Variants in C1orf21 observed in about 807,000 individuals in gnomAD.
C1orf21 encodes chromosome 1 open reading frame 21, also known as uncharacterized protein C1orf21.
Under a neutral mutation model 18.7 loss-of-function variants are expected in C1orf21, and 3 were observed. The observed-to-expected ratio is 0.16, with a 90% CI of 0.07 to 0.42. C1orf21 has a LOEUF of 0.42. Ranked by LOEUF, C1orf21 falls within the 10% of genes least tolerant of loss-of-function variation. The pLI is 0.99. For missense variants in C1orf21, 104 were observed against 143.6 expected, an observed-to-expected ratio of 0.72 and a Z score of 1.41; for synonymous variants, 41 against 46.4, an observed-to-expected ratio of 0.88 and a Z score of 0.47.
rs1432491905 is a variant in C1orf21 at position 184,619,823 on chromosome 1, G to A, written c.*267G>A. 1 of 349,834 alleles carries A rather than the reference G, an allele frequency of 2.9e-6. No individual in the cohort carries two copies. The highest frequency in any genetic ancestry group is 4.9e-5 in the Admixed American group (1 of 20,278). The allele number at this position is 349,834 out of a possible 1,614,324, so 21.7% of individuals were successfully genotyped here. A position where few individuals can be genotyped will look rare whatever the true frequency, so the allele number is the denominator to read the frequency against. ...CAACTTTTCACTTCTCTTGTGTCCA[G>A]GTATGCAGCAAAATTCTGCAATTTC... On this transcript the variant is annotated 3_prime_UTR_variant, in exon 6 of 6. Coordinates refer to ENST00000235307, the MANE Select transcript of C1orf21 (RefSeq NM_030806.4).
intron 1 of C1orf21, among the ~76,000 whole-genome samples, chr1:184,410,654 T>TAAA (rs1408957991): frequency 4.0e-4 from 3 of 7,540 alleles, no homozygotes; most frequent in Non-Finnish European, 5.7e-4. Flanking sequence ...TATATATATA[T>TAAA]ATATATATAT....
intron 1 of C1orf21, among the ~76,000 whole-genome samples, chr1:184,446,839 G>T (rs1657037021): frequency 1.4e-5 from 2 of 146,736 alleles, no homozygotes. Context: ...GTATGGTTAT[G>T]ATTTTTTCGT....
At chr1:184,572,484 G>T (rs146908818) in intron 3 of C1orf21, among the ~76,000 whole-genome samples, 1 of 152,168 alleles carries the variant, frequency 6.6e-6, no homozygotes, top group Admixed American at 6.5e-5. Flanking sequence ...TTTCATTTCA[G>T]CAGTTTACTG....
chr1:184,571,743 G>T (rs1254016427), intron 3 of C1orf21, among the ~76,000 whole-genome samples: 2 of 152,180 alleles, frequency 1.3e-5, no homozygotes, highest in East Asian at 3.9e-4. Flanking sequence ...AACATAAGGG[G>T]GGAGTTTAAA....
intron 5 of C1orf21, 149 bp from the exon 6 acceptor site, chr1:184,619,369 C>T (rs1392470404): frequency 2.6e-6 from 2 of 761,196 alleles, no homozygotes; most frequent in East Asian, 2.7e-5. Context: ...GTATTTATGA[C>T]GTAGCTACCC....
intron 1 of C1orf21, among the ~76,000 whole-genome samples, chr1:184,441,368 G>A (rs539979120): frequency 1.3e-5 from 2 of 152,330 alleles, no homozygotes; most frequent in Admixed American, 6.5e-5. Flanking sequence ...GCAGGGCGAA[G>A]ACCTGGTTTG....
At chr1:184,521,663 T>C (rs1158705747) in intron 3 of C1orf21, among the ~76,000 whole-genome samples, 1 of 152,214 alleles carries the variant, frequency 6.6e-6, no homozygotes, top group Non-Finnish European at 1.5e-5. Context: ...CTATTCTGTA[T>C]GGTACTGTAA....
At chr1:184,586,385 G>A (rs1014769044) in intron 3 of C1orf21, among the ~76,000 whole-genome samples, 2 of 150,236 alleles carry the variant, frequency 1.3e-5, no homozygotes, top group Non-Finnish European at 2.9e-5. Flanking sequence ...TGGGGTTCAC[G>A]CCATTCTCCT....
intron 1 of C1orf21, among the ~76,000 whole-genome samples, chr1:184,398,409 C>T (rs59237100): frequency 0.092 from 13,944 of 152,148 alleles, 1,932 homozygotes; most frequent in African/African-American, 0.3. Context: ...TAAAGTCAGA[C>T]TTTTAATTGT....
At chr1:184,391,226 G>A (rs1326411865) in intron 1 of C1orf21, among the ~76,000 whole-genome samples, 1 of 152,166 alleles carries the variant, frequency 6.6e-6, no homozygotes, top group Non-Finnish European at 1.5e-5. Flanking sequence ...ACACAACAGT[G>A]TCTCCAGTCA....
chr1:184,504,389 C>T (rs1312076070), intron 2 of C1orf21, among the ~76,000 whole-genome samples: 5 of 152,156 alleles, frequency 3.3e-5, no homozygotes, highest in Non-Finnish European at 7.3e-5. Context: ...TCCATTTCTT[C>T]CAGTGTGGGC....
At chr1:184,422,471 A>T (rs75313405) in intron 1 of C1orf21, among the ~76,000 whole-genome samples, 1 of 152,214 alleles carries the variant, frequency 6.6e-6, no homozygotes, top group African/African-American at 2.4e-5. Context: ...CTCATTTTAC[A>T]GGTGGAGAAC....
At chr1:184,567,652 A>T (rs559887837) in intron 3 of C1orf21, 2 of 404,558 alleles carry the variant, frequency 4.9e-6, no homozygotes, top group South Asian at 4.3e-5. Context: ...CTACAATGGC[A>T]TCACCAGCTT....
intron 4 of C1orf21, among the ~76,000 whole-genome samples, chr1:184,598,168 C>T (rs921405508): frequency 2.0e-5 from 3 of 151,790 alleles, no homozygotes; most frequent in African/African-American, 4.8e-5. Context: ...AGCATCTGTA[C>T]ATTGAAAGGA....
intron 3 of C1orf21, among the ~76,000 whole-genome samples, chr1:184,532,421 T>C (rs1658476514): frequency 6.6e-6 from 1 of 152,204 alleles, no homozygotes; most frequent in Non-Finnish European, 1.5e-5. Flanking sequence ...GAAAGCACTG[T>C]CAGTTCTATG....
rs1184327589 is a variant in C1orf21 at position 184,530,600 on chromosome 1, CTT to C, written c.189+22935_189+22936del. Reference sequence around the variant, plus strand: ...CTTAAAAGTCTCTTTTTTCTTTTTTCTTTTTTTTTTTTTTTTTTGAGCTGGGG... The same window carrying C: ...CTTAAAAGTCTCTTTTTTCTTTTTTCTTTTTTTTTTTTTTTTGAGCTGGGG... On this transcript the variant is annotated intron_variant, in intron 3 of 5. Transcript: ENST00000235307. 7.0e-3 allele frequency among the ~76,000 whole-genome samples: 778 copies of C among 111,460 alleles called. 4 individuals are homozygous for C. The highest frequency in any genetic ancestry group is 0.023 in the African/African-American group (672 of 28,918). 73.1% of individuals were successfully genotyped at this position (111,460 alleles called of 152,430 possible). A position where few individuals can be genotyped will look rare whatever the true frequency, so the allele number is the denominator to read the frequency against.
intron 1 of C1orf21, among the ~76,000 whole-genome samples, chr1:184,467,258 C>A (rs756321139): frequency 6.6e-6 from 1 of 151,974 alleles, no homozygotes; most frequent in Non-Finnish European, 1.5e-5. Context: ...GACATTGTGC[C>A]GGAGGGAATA....
At chr1:184,509,155 A>T (rs1379867436) in intron 3 of C1orf21, among the ~76,000 whole-genome samples, 2 of 152,128 alleles carry the variant, frequency 1.3e-5, no homozygotes, top group African/African-American at 2.4e-5. Flanking sequence ...TCACATGCTT[A>T]TGTCTCTAGA....
intron 1 of C1orf21, among the ~76,000 whole-genome samples, chr1:184,440,903 C>T (rs1656933114): frequency 6.6e-6 from 1 of 152,112 alleles, no homozygotes; most frequent in Non-Finnish European, 1.5e-5. Flanking sequence ...GGTCGCATTT[C>T]CTTTTGAATG....
Sources: allele counts gnomAD v4.1 joint callset (sites outside exome capture counted in the v4.1 genomes callset), GRCh38; gene constraint gnomAD v4.1.1; transcripts MANE v1.5; gene names NCBI Gene and HGNC (gene_info 2026-07-23, HGNC 2026-07-21).